The following CSMD1 variants were observed in gnomAD, a reference collection of about 807,000 sequenced individuals.
CSMD1 encodes the protein CUB and sushi domain-containing protein 1.
A neutral mutation model predicts 417.5 loss-of-function variants in CSMD1; 213 were observed. That is an observed-to-expected ratio of 0.51 (90% CI 0.46 to 0.57). The LOEUF (loss-of-function observed/expected upper bound fraction) is 0.57, where lower values mean the gene tolerates loss of function less well. Among genes scored for constraint, CSMD1 ranks in the 20% least tolerant of loss-of-function variants. CSMD1 has a pLI of 0.00. For missense variants in CSMD1, 6,923 were observed against 4,529.7 expected, an observed-to-expected ratio of 1.53 and a Z score of -15.17; for synonymous variants, 2,862 against 1,736.8, an observed-to-expected ratio of 1.65 and a Z score of -16.11.
chr8:3,972,955 A>G (rs752923912), intron 5 of CSMD1, among the ~76,000 whole-genome samples: 13 of 152,346 alleles, frequency 8.5e-5, no homozygotes, highest in Non-Finnish European at 1.8e-4. Context: ...ATGAAATAAA[A>G]ATTACTCACA....
intron 2 of CSMD1, among the ~76,000 whole-genome samples, chr8:4,436,781 C>A (rs150980373): frequency 6.6e-6 from 1 of 152,270 alleles, no homozygotes; most frequent in East Asian, 1.9e-4. Context: ...ATTTCTCTTT[C>A]AGTGCCTACC....
At chr8:4,529,789 G>A (rs1035360326) in intron 2 of CSMD1, among the ~76,000 whole-genome samples, 9 of 151,588 alleles carry the variant, frequency 5.9e-5, no homozygotes, top group Non-Finnish European at 1.0e-4. Context: ...TGCTGCCGTA[G>A]AAAATCTTTA....
intron 3 of CSMD1, among the ~76,000 whole-genome samples, chr8:4,418,009 C>A (rs1797040806): frequency 6.6e-6 from 1 of 151,932 alleles, no homozygotes; most frequent in Non-Finnish European, 1.5e-5. Context: ...TAATTTTTCT[C>A]CAAATAACGC....
intron 1 of CSMD1, among the ~76,000 whole-genome samples, chr8:4,751,867 G>T (rs930017867): frequency 6.6e-6 from 1 of 152,088 alleles, no homozygotes; most frequent in African/African-American, 2.4e-5. Flanking sequence ...TTGGTGTGCA[G>T]TTTAGTTTCC....
chr8:3,660,219 T>C (rs1294438343), intron 7 of CSMD1, among the ~76,000 whole-genome samples: 1 of 152,202 alleles, frequency 6.6e-6, no homozygotes, highest in Non-Finnish European at 1.5e-5. Flanking sequence ...TTATCTACAT[T>C]TGAAGCCTCT....
chr8:3,168,439 AAATCGCATTAAAGTT>A (rs1820368423), intron 37 of CSMD1, among the ~76,000 whole-genome samples: 1 of 152,176 alleles, frequency 6.6e-6, no homozygotes, highest in Non-Finnish European at 1.5e-5. Flanking sequence ...TTAATTCGAA[AAATCGCATTAAAGTT>A]GAGATAATGT....
intron 2 of CSMD1, among the ~76,000 whole-genome samples, chr8:4,430,241 G>T (rs773997448): frequency 1.3e-5 from 2 of 152,064 alleles, no homozygotes; most frequent in Non-Finnish European, 2.9e-5. Context: ...ATGAATACTG[G>T]GTCGGAGAAG....
chr8:4,771,826 G>A (rs1394314979), intron 1 of CSMD1, among the ~76,000 whole-genome samples: 2 of 152,084 alleles, frequency 1.3e-5, no homozygotes, highest in Admixed American at 6.6e-5. Flanking sequence ...TTCCATCAAC[G>A]ATACCTTTTC....
chr8:4,208,841 T>C (rs528117670), intron 3 of CSMD1, among the ~76,000 whole-genome samples: 3 of 152,266 alleles, frequency 2.0e-5, no homozygotes, highest in East Asian at 3.9e-4. Flanking sequence ...GGTTGGAAAA[T>C]TGAGGTAGCA....
chr8:3,356,627 A>C (rs1420023828), intron 21 of CSMD1, among the ~76,000 whole-genome samples: 1 of 152,238 alleles, frequency 6.6e-6, no homozygotes, highest in Non-Finnish European at 1.5e-5. Flanking sequence ...TTGAGCCGAG[A>C]TCGTGCCACT....
intron 3 of CSMD1, among the ~76,000 whole-genome samples, chr8:4,318,485 G>A (rs1397296362): frequency 1.3e-5 from 2 of 152,008 alleles, no homozygotes; most frequent in Non-Finnish European, 2.9e-5. Flanking sequence ...AACAAAGCTT[G>A]CATTCAGGAC....
chr8:3,780,303 G>A lies in CSMD1; in HGVS notation c.819-26261C>T, dbSNP rs140206157. Reference sequence around the variant, plus strand: ...AGGCTGAGCAATTAGTTCGTATTCCGCAAATGAGTCAACTGAAATAACAGT... The same window carrying A: ...AGGCTGAGCAATTAGTTCGTATTCCACAAATGAGTCAACTGAAATAACAGT... On this transcript the variant is annotated intron_variant, in intron 5 of 69. Coordinates refer to ENST00000635120, the MANE Select transcript of CSMD1 (RefSeq NM_033225.6). 1.2e-4 allele frequency among the ~76,000 whole-genome samples: 19 copies of A among 152,240 alleles called. No individual in the cohort carries two copies. In the East Asian group the frequency reaches 3.1e-3, roughly 25 times the overall value.
At chr8:4,343,505 A>G (rs916693470) in intron 3 of CSMD1, among the ~76,000 whole-genome samples, 1 of 152,152 alleles carries the variant, frequency 6.6e-6, no homozygotes, top group Non-Finnish European at 1.5e-5. Flanking sequence ...ATGATTCACA[A>G]TGCATATCAA....
chr8:3,723,447 T>G (rs568534065), intron 6 of CSMD1, among the ~76,000 whole-genome samples: 3 of 152,196 alleles, frequency 2.0e-5, no homozygotes, highest in Non-Finnish European at 2.9e-5. Flanking sequence ...TCCAAGAGCA[T>G]AGATCATGGG....
chr8:4,852,429 C>A (rs1388324903), intron 1 of CSMD1, among the ~76,000 whole-genome samples: 2 of 152,120 alleles, frequency 1.3e-5, no homozygotes, highest in East Asian at 1.9e-4. Context: ...GCACTGTCTG[C>A]CCCTTTCACT....
chr8:3,647,070 T>G (rs184962680), intron 7 of CSMD1, among the ~76,000 whole-genome samples: 1 of 152,256 alleles, frequency 6.6e-6, no homozygotes, highest in Non-Finnish European at 1.5e-5. Flanking sequence ...TTTTCTTTTG[T>G]GAAGTGGAGA....
chr8:3,903,435 C>T lies in CSMD1; in HGVS notation c.818+94468G>A, dbSNP rs150710426. The stretch of plus-strand genomic sequence containing the variant: ...AGCATTAATATTAATGTGATATTAA[C>T]ATACACATTATGTAAAATATTACTC... On this transcript the variant is annotated intron_variant, in intron 5 of 69. Transcript: ENST00000635120. 2.0e-3 allele frequency among the ~76,000 whole-genome samples: 309 copies of T among 152,164 alleles called. 2 individuals are homozygous for T. The highest frequency in any genetic ancestry group is 7.2e-3 in the African/African-American group (300 of 41,500).
intron 3 of CSMD1, among the ~76,000 whole-genome samples, chr8:4,118,428 A>C (rs1430910859): frequency 4.6e-5 from 7 of 152,264 alleles, no homozygotes; most frequent in African/African-American, 1.7e-4. Flanking sequence ...AAAAGTATAC[A>C]AAGGATATGG....
chr8:3,232,718 A>T (rs1798912575), intron 26 of CSMD1, among the ~76,000 whole-genome samples: 3 of 152,008 alleles, frequency 2.0e-5, no homozygotes, highest in Non-Finnish European at 2.9e-5. Context: ...TTCCTGCTCT[A>T]TTTGGATTTC....
Sources: allele counts gnomAD v4.1 joint callset (sites outside exome capture counted in the v4.1 genomes callset), GRCh38; gene constraint gnomAD v4.1.1; transcripts MANE v1.5; gene names NCBI Gene and HGNC (gene_info 2026-07-23, HGNC 2026-07-21).